The following SLC9A9 variants were observed in gnomAD, a reference collection of about 807,000 sequenced individuals.
The protein encoded by SLC9A9 is sodium/hydrogen exchanger 9.
In SLC9A9, 62 loss-of-function variants were observed where a neutral mutation model predicts 77.8. The observed-to-expected ratio is 0.80, with a 90% CI of 0.65 to 0.98. SLC9A9 has a LOEUF of 0.98. Ranked by LOEUF, SLC9A9 falls within the 50% of genes least tolerant of loss-of-function variation. The pLI, the probability that SLC9A9 is intolerant of heterozygous loss-of-function variation, is 0.00. For synonymous variants in SLC9A9, 320 were observed against 283.5 expected, an observed-to-expected ratio of 1.13 and a Z score of -1.29; for missense variants, 775 against 774.9, an observed-to-expected ratio of 1.00 and a Z score of 0.00.
chr3:143,403,795 C>CAACACT (rs2033912427), intron 12 of SLC9A9, among the ~76,000 whole-genome samples: 3 of 152,164 alleles, frequency 2.0e-5, no homozygotes, highest in African/African-American at 7.2e-5. Context: ...TATAATGTGT[C>CAACACT]TTGATATGGC....
chr3:143,503,630 C>T (rs564715951), intron 9 of SLC9A9: 1 of 451,964 alleles, frequency 2.2e-6, no homozygotes, highest in South Asian at 1.6e-5. Context: ...CTTGCCCATG[C>T]CTTGGCAGTG....
At chr3:143,771,641 A>T (rs1192178813) in intron 4 of SLC9A9, among the ~76,000 whole-genome samples, 5 of 152,200 alleles carry the variant, frequency 3.3e-5, no homozygotes, top group Non-Finnish European at 7.3e-5. Context: ...ACTGCAGGAA[A>T]CACCTTAATT....
rs550000914 is a variant in SLC9A9 at position 143,641,920 on chromosome 3, TAAC to T, written c.755+10332_755+10334del. On this transcript the variant is annotated intron_variant, in intron 6 of 15. Transcript: ENST00000316549. The stretch of plus-strand genomic sequence containing the variant: ...AACTTATTTTGCCCGCCACTCCCAT[TAAC>T]TATCATCACTATTATTGTCATAGTC... 2.8e-4 allele frequency among the ~76,000 whole-genome samples: 42 copies of T among 152,336 alleles called. 1 individual carries two copies. In the South Asian group the frequency reaches 7.3e-3, roughly 26 times the overall value.
intron 4 of SLC9A9, among the ~76,000 whole-genome samples, chr3:143,714,624 C>G (rs116014062): frequency 6.6e-6 from 1 of 152,194 alleles, no homozygotes; most frequent in African/African-American, 2.4e-5. Context: ...ATTACTAGTA[C>G]GTCAAACGCC....
Position 143,268,992 on chromosome 3 carries a change from G to A in SLC9A9, c.1605-12C>T, listed in dbSNP as rs1397197364. On this transcript the variant is annotated splice_polypyrimidine_tract_variant and intron_variant, in intron 14 of 15. Coordinates refer to ENST00000316549, the MANE Select transcript of SLC9A9 (RefSeq NM_173653.4). ...TTGGTTTCAGATACCTGGGAGGCCTGTTAAGGAATACTTGTCAACAGGGAG... is the reference window on the plus strand; with the variant it reads ...TTGGTTTCAGATACCTGGGAGGCCTATTAAGGAATACTTGTCAACAGGGAG... 8 of 1,577,866 alleles carry A rather than the reference G, an allele frequency of 5.1e-6. No homozygotes were observed. Among genetic ancestry groups the A allele is most frequent in the Non-Finnish European group, 7.0e-6 (8 of 1,147,320 alleles).
intron 6 of SLC9A9, among the ~76,000 whole-genome samples, chr3:143,641,561 T>A (rs960942253): frequency 6.6e-6 from 1 of 151,582 alleles, no homozygotes; most frequent in Non-Finnish European, 1.5e-5. Context: ...GCCCAGCTAA[T>A]TTTTTGTATT....
chr3:143,836,794 A>T (rs907734321), intron 1 of SLC9A9, among the ~76,000 whole-genome samples: 7 of 152,204 alleles, frequency 4.6e-5, no homozygotes, highest in African/African-American at 7.2e-5. Context: ...CACCTAAGGC[A>T]TTGCTCTAGG....
intron 5 of SLC9A9, among the ~76,000 whole-genome samples, chr3:143,668,178 G>A (rs556098802): frequency 6.6e-6 from 1 of 152,176 alleles, no homozygotes; most frequent in Admixed American, 6.5e-5. Flanking sequence ...CATGTCCTTT[G>A]TAGGGACATG....
intron 11 of SLC9A9, among the ~76,000 whole-genome samples, chr3:143,475,120 G>T (rs969492780): frequency 6.6e-6 from 1 of 150,818 alleles, no homozygotes; most frequent in African/African-American, 2.4e-5. Flanking sequence ...TACCACACCT[G>T]GCTCATTTTT....
rs776402194 is a variant in SLC9A9, at chr3:143,266,161, G to A, written c.*541C>T. The A allele has an allele frequency of 2.9e-5, 20 of 700,886 alleles. No homozygotes were observed. Among genetic ancestry groups the A allele is most frequent in the Non-Finnish European group, 4.7e-5 (18 of 384,396 alleles). The allele number at this position is 700,886 out of a possible 1,614,324, so 43.4% of individuals were successfully genotyped here. On this transcript the variant is annotated 3_prime_UTR_variant, in exon 16 of 16. Transcript: ENST00000316549. The stretch of plus-strand genomic sequence containing the variant: ...GGGCTCTGGGAAACCATCAGCAGTG[G>A]GTACGGAACACTTCTCTGGGCTCTG...
chr3:143,427,472 C>T (rs2034428752), intron 12 of SLC9A9, among the ~76,000 whole-genome samples: 1 of 152,216 alleles, frequency 6.6e-6, no homozygotes. Context: ...AGCAAGTAAT[C>T]TACTTCTTAC....
At chr3:143,717,274 T>C (rs1576678710) in intron 4 of SLC9A9, among the ~76,000 whole-genome samples, 1 of 152,184 alleles carries the variant, frequency 6.6e-6, no homozygotes, top group Non-Finnish European at 1.5e-5. Context: ...AGTGATACCA[T>C]GTTGCTGGTC....
At position 143,773,986 on chromosome 3, in the gene SLC9A9, GC is replaced by G. The variant is rs201836364; in HGVS notation, c.533+21014del. Among the ~76,000 whole-genome samples, 1,392 of 152,264 alleles carry G rather than the reference GC, an allele frequency of 9.1e-3. 10 individuals are homozygous for G. The highest frequency in any genetic ancestry group is 0.016 in the Non-Finnish European group (1,102 of 68,016). On this transcript the variant is annotated intron_variant, in intron 4 of 15. Coordinates refer to ENST00000316549, the MANE Select transcript of SLC9A9 (RefSeq NM_173653.4). Reference sequence around the variant, plus strand: ...CATTAGTTAATGAGTGACTATTACAGCCTAAAAGTTTTTCAAATGCAAATGC... The same window carrying G: ...CATTAGTTAATGAGTGACTATTACAGCTAAAAGTTTTTCAAATGCAAATGC...
intron 5 of SLC9A9, among the ~76,000 whole-genome samples, chr3:143,689,301 C>A (rs1455434516): frequency 6.6e-6 from 1 of 152,116 alleles, no homozygotes; most frequent in African/African-American, 2.4e-5. Context: ...CAACACCATA[C>A]ATAATTGCAG....
intron 8 of SLC9A9, among the ~76,000 whole-genome samples, chr3:143,569,745 A>G (rs12639092): frequency 0.2 from 30,600 of 151,896 alleles, 3,083 homozygotes; most frequent in Non-Finnish European, 0.22. Context: ...AAAAGGTACA[A>G]GCACAAATTG....
chr3:143,277,418 A>G (rs1938082745), intron 14 of SLC9A9, among the ~76,000 whole-genome samples: 2 of 152,138 alleles, frequency 1.3e-5, no homozygotes, highest in South Asian at 2.1e-4. Context: ...TGCTCTGAAA[A>G]CCACTGGAGC....
intron 2 of SLC9A9, among the ~76,000 whole-genome samples, chr3:143,797,597 C>G (rs1186988336): frequency 6.6e-6 from 1 of 152,026 alleles, no homozygotes. Context: ...GTGAAAATGG[C>G]CTGTTCCTGC....
intron 2 of SLC9A9, among the ~76,000 whole-genome samples, chr3:143,819,974 C>A (rs2009124504): frequency 6.6e-6 from 1 of 152,190 alleles, no homozygotes; most frequent in Admixed American, 6.5e-5. Context: ...GGCCTCGACT[C>A]AAATCATAGC....
intron 8 of SLC9A9, among the ~76,000 whole-genome samples, chr3:143,569,309 A>G (rs1472041226): frequency 6.6e-6 from 1 of 151,780 alleles, no homozygotes; most frequent in Non-Finnish European, 1.5e-5. Context: ...CACAGTGAAT[A>G]TCAAACATTC....
Sources: allele counts gnomAD v4.1 joint callset (sites outside exome capture counted in the v4.1 genomes callset), GRCh38; gene constraint gnomAD v4.1.1; transcripts MANE v1.5; gene names NCBI Gene and HGNC (gene_info 2026-07-23, HGNC 2026-07-21).